Variants in EPG5 observed in about 807,000 individuals in gnomAD.
EPG5 encodes ectopic P-granules 5 autophagy tethering factor.
In EPG5, 159 loss-of-function variants were observed where a neutral mutation model predicts 302.7. The ratio of observed to expected loss-of-function variants is 0.53; its 90% CI spans 0.46 to 0.60. The LOEUF is 0.60. EPG5 is among the 20% of genes least tolerant of loss of function. The probability of loss-of-function intolerance (pLI) is 0.00; values close to 1 mark genes in which losing one functional copy is unlikely to be tolerated. For missense variants in EPG5, 2,896 were observed against 3,092.4 expected (o/e 0.94, Z 1.51); for synonymous variants, 1,158 against 1,136.8 (o/e 1.02, Z -0.37).
Position 45,935,023 on chromosome 18 carries a change from T to C in EPG5, c.2100-57A>G, listed in dbSNP as rs948954427. 4.7e-6 allele frequency: 7 copies of C among 1,500,982 alleles called. No individual in the cohort carries two copies. The Admixed American group carries it at 6.6e-5, about 14-fold the overall frequency. 93.0% of individuals were successfully genotyped at this position (1,500,982 alleles called of 1,614,324 possible). ...AATCAGCTTCATTACACTAAGAAAGTAGACAAACCATTGGCTCTCAAGGAA... is the reference window on the plus strand; with the variant it reads ...AATCAGCTTCATTACACTAAGAAAGCAGACAAACCATTGGCTCTCAAGGAA... On this transcript the variant is annotated intron_variant, in intron 10 of 43. Coordinates refer to ENST00000282041, the MANE Select transcript of EPG5 (RefSeq NM_020964.3).
the EPG5 span, among the ~76,000 whole-genome samples, chr18:45,834,440 G>A: frequency 0.062 from 9,428 of 152,308 alleles, 623 homozygotes; most frequent in African/African-American, 0.16. Flanking sequence ...CTGAGGCACA[G>A]GGGAGGGAGG....
At chr18:45,896,838 C>T (rs978461667) in intron 27 of EPG5, among the ~76,000 whole-genome samples, 1 of 152,196 alleles carries the variant, frequency 6.6e-6, no homozygotes, top group Non-Finnish European at 1.5e-5. Context: ...TGACCCACCA[C>T]GCTCAGCCCA....
intron 8 of EPG5, 71 bp from the exon 9 acceptor site, chr18:45,943,382 A>T: frequency 7.3e-7 from 1 of 1,365,850 alleles, no homozygotes; most frequent in Non-Finnish European, 1.0e-6. Flanking sequence ...ACATCTGTAT[A>T]AATATTTTAA....
chr18:45,877,226 G>A (rs1038607902), intron 34 of EPG5, among the ~76,000 whole-genome samples: 2 of 151,952 alleles, frequency 1.3e-5, no homozygotes, highest in Non-Finnish European at 2.9e-5. Context: ...GCAAAACACT[G>A]TCTCTACTAA....
intron 39 of EPG5, among the ~76,000 whole-genome samples, chr18:45,863,380 A>G (rs775789773): frequency 3.3e-5 from 5 of 152,060 alleles, no homozygotes; most frequent in Non-Finnish European, 5.9e-5. Context: ...TACTTTGGAC[A>G]TTCCTTTTTA....
intron 12 of EPG5, among the ~76,000 whole-genome samples, chr18:45,930,450 G>A (rs1029182353): frequency 6.6e-6 from 1 of 152,106 alleles, no homozygotes; most frequent in Non-Finnish European, 1.5e-5. Context: ...ACTGAAACTG[G>A]TGCAACAAAT....
At chr18:45,837,043 A>G in the EPG5 span, 1 of 1,512,328 alleles carries the variant, frequency 6.6e-7, no homozygotes, top group Non-Finnish European at 9.2e-7. Flanking sequence ...ATTTGTGAGA[A>G]CTAAAATAGA....
intron 11 of EPG5, among the ~76,000 whole-genome samples, chr18:45,932,656 A>C (rs1410001608): frequency 3.9e-5 from 6 of 152,238 alleles, no homozygotes; most frequent in Non-Finnish European, 8.8e-5. Context: ...TAAAAGATTA[A>C]GCAAAGGAGA....
Position 45,860,168 on chromosome 18 carries a change from G to C in EPG5, c.6945C>G (p.Ser2315Arg). 14 of 1,614,178 alleles carry C rather than the reference G, an allele frequency of 8.7e-6. No individual in the cohort carries two copies. Among genetic ancestry groups the C allele is most frequent in the Non-Finnish European group, 1.2e-5 (14 of 1,180,028 alleles). The change falls in exon 40 of 44, where the codon AGC (serine) becomes AGG (arginine). Residue 2315 changes from serine to arginine, a missense_variant. By Grantham distance (110) the Ser-to-Arg change is moderately radical. Transcript: ENST00000282041. ...CAGCCATGTGGCGGACGGACGCCAG[G>C]CTCTGGCAGGCTGCTGTTAAAAGGG... ...VLPLLTAACQSLASVRHMAET... is the reference protein window; with the variant it reads ...VLPLLTAACQRLASVRHMAET...
the EPG5 span, among the ~76,000 whole-genome samples, chr18:45,827,312 T>C: frequency 6.6e-6 from 1 of 152,134 alleles, no homozygotes; most frequent in Non-Finnish European, 1.5e-5. Flanking sequence ...GAGCTGGGAT[T>C]TGAACCCAGG....
chr18:45,813,849 C>T, the EPG5 span, among the ~76,000 whole-genome samples: 2 of 151,640 alleles, frequency 1.3e-5, no homozygotes, highest in African/African-American at 4.9e-5. Context: ...ACCAACATGG[C>T]GCACGTATAC....
chr18:45,806,154 T>A, the EPG5 span, among the ~76,000 whole-genome samples: 1 of 152,250 alleles, frequency 6.6e-6, no homozygotes, highest in African/African-American at 2.4e-5. Context: ...GGAAAATTTA[T>A]CAGCTCAATA....
At chr18:45,916,748 G>T in intron 17 of EPG5, 166 bp from the exon 18 acceptor site, 1 of 614,596 alleles carries the variant, frequency 1.6e-6, no homozygotes, top group South Asian at 2.5e-5. Context: ...CATTTAACAT[G>T]GGTTAAAAGG....
In EPG5 at chr18:45,942,247, C is replaced by T. The variant is rs112607807; in HGVS notation, c.1943+914G>A. 2.9e-3 allele frequency among the ~76,000 whole-genome samples: 441 copies of T among 152,138 alleles called. 2 individuals carry two copies. The highest frequency in any genetic ancestry group is 4.5e-3 in the Non-Finnish European group (307 of 67,986). On this transcript the variant is annotated intron_variant, in intron 9 of 43. Transcript: ENST00000282041. ...CTCAAAAAAAAAGAAGGGACCCCCACCCTTTTAGGGCATCCTATAATCACT... is the reference window on the plus strand; with the variant it reads ...CTCAAAAAAAAAGAAGGGACCCCCATCCTTTTAGGGCATCCTATAATCACT...
At chr18:45,845,166 G>A (rs911602472), downstream of EPG5, among the ~76,000 whole-genome samples, 4 of 152,186 alleles carry the variant, frequency 2.6e-5, no homozygotes, top group Admixed American at 6.5e-5. Flanking sequence ...GATGTGTAAC[G>A]GTGCCAGGTA....
At chr18:45,870,178 G>A (rs751369681) in intron 36 of EPG5, among the ~76,000 whole-genome samples, 1 of 152,094 alleles carries the variant, frequency 6.6e-6, no homozygotes, top group Non-Finnish European at 1.5e-5. Context: ...AATAGCTTCA[G>A]TACCAATTTA....
At chr18:45,825,476 G>A in the EPG5 span, 7 of 557,840 alleles carry the variant, frequency 1.3e-5, no homozygotes, top group African/African-American at 9.4e-5. Flanking sequence ...TTCCTGTCCT[G>A]GAAAATCATC....
At chr18:45,939,789 A>T (rs1223711630) in intron 9 of EPG5, 34 bp from the exon 10 acceptor site, 1 of 1,587,734 alleles carries the variant, frequency 6.3e-7, no homozygotes, top group Non-Finnish European at 8.6e-7. Flanking sequence ...AGTACTTTTC[A>T]TTAGCTCAAT....
At chr18:45,953,865 A>C (rs2050964940) in intron 2 of EPG5, 6 of 985,364 alleles carry the variant, frequency 6.1e-6, no homozygotes, top group Non-Finnish European at 7.2e-6. Flanking sequence ...CAAAGTGATC[A>C]TAACACCTTC....
Sources: gnomAD v4.1 joint callset for allele counts (sites outside exome capture counted in the v4.1 genomes callset) on GRCh38, gnomAD v4.1.1 for gene constraint, MANE v1.5 for transcripts, NCBI Gene and HGNC (gene_info 2026-07-23, HGNC 2026-07-21) for gene names.